Variants in CTDSP1 observed in about 807,000 individuals in gnomAD.
CTDSP1 encodes CTD small phosphatase 1.
In CTDSP1, 15 loss-of-function variants were observed where a neutral mutation model predicts 32.5. The observed-to-expected ratio is 0.46, with a 90% CI of 0.31 to 0.71. The LOEUF (loss-of-function observed/expected upper bound fraction) is 0.71, where lower values mean the gene tolerates loss of function less well. CTDSP1 is among the 30% of genes least tolerant of loss of function. The probability of loss-of-function intolerance (pLI) is 0.05; values close to 1 mark genes in which losing one functional copy is unlikely to be tolerated. For synonymous variants in CTDSP1, 185 were observed against 145.4 expected, an observed-to-expected ratio of 1.27 and a Z score of -1.96; for missense variants, 294 against 351.1, an observed-to-expected ratio of 0.84 and a Z score of 1.30.
At chr2:218,404,178 CTGTG>C (rs1697300577) in intron 6 of CTDSP1, 115 bp from the exon 7 acceptor site, 1 of 1,274,402 alleles carries the variant, frequency 7.8e-7, no homozygotes, top group Non-Finnish European at 1.1e-6. Context: ...AGTTTGAACA[CTGTG>C]GGTGAGGGGT....
upstream of CTDSP1, chr2:218,396,879 T>A (rs1281902374): frequency 6.6e-6 from 1 of 152,488 alleles, no homozygotes; most frequent in Non-Finnish European, 1.5e-5. Context: ...GAATTAAAGA[T>A]GTCAGTTCTC....
chr2:218,400,009 C>G lies in CTDSP1; in HGVS notation c.-82C>G. 1.5e-6 allele frequency: 2 copies of G among 1,314,810 alleles called. No homozygotes were observed. Among genetic ancestry groups the G allele is most frequent in the Non-Finnish European group, 1.9e-6 (2 of 1,026,536 alleles). The allele number at this position is 1,314,810 out of a possible 1,614,324, so 81.4% of individuals were successfully genotyped here. A position where few individuals can be genotyped will look rare whatever the true frequency, so the allele number is the denominator to read the frequency against. On this transcript the variant is annotated 5_prime_UTR_variant, in exon 1 of 7. Transcript: ENST00000273062. Reference sequence around the variant, plus strand: ...TCCCTCCCACCCCTCCCCTCCCCCCCGCGCCCCGATTCCGGCCCCAGCCGG... The same window carrying G: ...TCCCTCCCACCCCTCCCCTCCCCCCGGCGCCCCGATTCCGGCCCCAGCCGG...
rs1267453326 is a variant in CTDSP1 at position 218,403,267 on chromosome 2, G to C, written c.507G>C (p.Trp169Cys). The C allele has an allele frequency of 3.7e-6, 6 of 1,613,730 alleles. No homozygotes were observed. The highest frequency in any genetic ancestry group is 2.2e-5 in the East Asian group (1 of 44,886). ...CAGTAGCTGACCTGCTGGACAAATG[G>C]GGGGCCTTCCGGGCCCGGCTGTTTC... ...ADPVADLLDK[W>C]GAFRARLFRE... The change falls in exon 6 of 7, where the codon TGG (tryptophan) becomes TGC (cysteine). Residue 169 changes from tryptophan to cysteine, a missense_variant. Trp to Cys is a radical substitution (Grantham distance 215). Transcript: ENST00000273062.
In CTDSP1 at chr2:218,401,401, C is replaced by T. The variant is rs903888787; in HGVS notation, c.68-163C>T. 18 of 723,666 alleles carry T rather than the reference C, an allele frequency of 2.5e-5. No homozygotes were observed. In the African/African-American group the frequency reaches 2.5e-4, roughly 10 times the overall value. The allele number at this position is 723,666 out of a possible 1,614,324, so 44.8% of individuals were successfully genotyped here. A position where few individuals can be genotyped will look rare whatever the true frequency, so the allele number is the denominator to read the frequency against. Reference sequence around the variant, plus strand: ...GGAGCCTTGCAGTTGATTGTGGAGCCCTGACAGGGGCGTTTCAGAGAAAGT... The same window carrying T: ...GGAGCCTTGCAGTTGATTGTGGAGCTCTGACAGGGGCGTTTCAGAGAAAGT... On this transcript the variant is annotated intron_variant, in intron 1 of 6. Coordinates refer to ENST00000273062, the MANE Select transcript of CTDSP1 (RefSeq NM_021198.3).
chr2:218,404,245 T>G, intron 6 of CTDSP1, 52 bp from the exon 7 acceptor site: 13 of 1,596,116 alleles, frequency 8.1e-6, no homozygotes, highest in Non-Finnish European at 1.1e-5. Flanking sequence ...GCCTGGAAAT[T>G]CTGCACCCAG....
At chr2:218,404,221 G>A (rs1000027061) in intron 6 of CTDSP1, 76 bp from the exon 7 acceptor site, 1 of 1,555,600 alleles carries the variant, frequency 6.4e-7, no homozygotes, top group African/African-American at 1.4e-5. Flanking sequence ...CTGAGTAGTG[G>A]CTACATAGGG....
At position 218,402,094 on chromosome 2, in the gene CTDSP1, C is replaced by T; in HGVS notation, c.217-17C>T. On this transcript the variant is annotated splice_polypyrimidine_tract_variant and intron_variant, in intron 2 of 6. Coordinates refer to ENST00000273062, the MANE Select transcript of CTDSP1 (RefSeq NM_021198.3). ...GCCCGGAGAGAGGCACCCCAGCCAGCCCCGCCCTCCCTACAGCAGACCCCA... is the reference window on the plus strand; with the variant it reads ...GCCCGGAGAGAGGCACCCCAGCCAGTCCCGCCCTCCCTACAGCAGACCCCA... 3.8e-6 allele frequency: 6 copies of T among 1,576,574 alleles called. No individual in the cohort carries two copies. Among genetic ancestry groups the T allele is most frequent in the Non-Finnish European group, 5.2e-6 (6 of 1,148,916 alleles).
chr2:218,400,512 A>C, intron 1 of CTDSP1: 1 of 389,434 alleles, frequency 2.6e-6, no homozygotes, highest in Non-Finnish European at 5.0e-6. Flanking sequence ...GAGGGCGCCT[A>C]TGGGCCACCC....
intron 6 of CTDSP1, 117 bp downstream of exon 6, chr2:218,403,534 C>T: frequency 4.6e-6 from 4 of 877,794 alleles, no homozygotes; most frequent in Non-Finnish European, 6.8e-6. Context: ...CCTCCCAGTC[C>T]TTCCTGCATT....
rs565070665 is a variant in CTDSP1, at chr2:218,401,568, C to T, written c.72C>T (p.Asp24=). Residue 24 remains aspartate (D), a synonymous_variant, in exon 2 of 7, where the codon GAC becomes GAT. Coordinates refer to ENST00000273062, the MANE Select transcript of CTDSP1 (RefSeq NM_021198.3). The stretch of plus-strand genomic sequence containing the variant: ...ACTTGTGCCTCCCTACTTCAGGTGA[C>T]CAGAAGTCAGCAGCTTCCCAGAAGC... The part of the protein sequence containing the change: ...EARGPLRGKG[D]QKSAASQKPR... The T allele has an allele frequency of 8.1e-6, 13 of 1,613,904 alleles. No individual in the cohort carries two copies. Among genetic ancestry groups the T allele is most frequent in the Middle Eastern group, 1.7e-4 (1 of 6,056 alleles).
Position 218,404,582 on chromosome 2 carries a change from G to A in CTDSP1, c.*157G>A, listed in dbSNP as rs1697317502. 1.1e-6 allele frequency: 1 copy of A among 900,280 alleles called. No homozygotes were observed. The highest frequency in any genetic ancestry group is 1.7e-6 in the Non-Finnish European group (1 of 600,956). The allele number at this position is 900,280 out of a possible 1,614,324, so 55.8% of individuals were successfully genotyped here. A position where few individuals can be genotyped will look rare whatever the true frequency, so the allele number is the denominator to read the frequency against. Reference sequence around the variant, plus strand: ...TCCCCCACCAGCCCCACCAGGCGGTGTAGGGGCAGCAGGCTGCACTGAGGA... The same window carrying A: ...TCCCCCACCAGCCCCACCAGGCGGTATAGGGGCAGCAGGCTGCACTGAGGA... On this transcript the variant is annotated 3_prime_UTR_variant, in exon 7 of 7. Transcript: ENST00000273062.
upstream of CTDSP1, chr2:218,398,364 G>A (rs575536918): frequency 3.3e-4 from 501 of 1,510,220 alleles, 1 homozygote; most frequent in African/African-American, 5.2e-3. Flanking sequence ...AGCCAGAGCA[G>A]GCCTAGGAAA....
rs770402295 is a variant in CTDSP1, at chr2:218,402,151, A to G, written c.257A>G (p.Gln86Arg). Reference protein sequence around the residue: ...VQYLLPEAKAQDSDKICVVID... With the variant: ...VQYLLPEAKARDSDKICVVID... ...TACCTGCTCCCTGAGGCCAAGGCCCAGGACTCAGACAAGATCTGCGTGGTC... is the reference window on the plus strand; with the variant it reads ...TACCTGCTCCCTGAGGCCAAGGCCCGGGACTCAGACAAGATCTGCGTGGTC... The change falls in exon 3 of 7, where the codon CAG becomes CGG. Residue 86 changes from glutamine to arginine, a missense_variant. Physicochemically the swap from Gln to Arg is conservative, Grantham distance 43 (BLOSUM62 1). This residue lies in a region of CTDSP1 where 148 missense variants were observed against 113.3 expected (regional missense o/e 1.31). Transcript: ENST00000273062. 4 of 1,613,674 alleles carry G rather than the reference A, an allele frequency of 2.5e-6. No homozygotes were observed. The highest frequency in any genetic ancestry group is 3.4e-6 in the Non-Finnish European group (4 of 1,179,932).
intron 1 of CTDSP1, chr2:218,400,487 G>T (rs551758413): frequency 7.0e-5 from 30 of 431,000 alleles, no homozygotes; most frequent in Middle Eastern, 7.6e-4. Context: ...GGGGCTGGGA[G>T]ATGGGGGAGC....
intron 6 of CTDSP1, chr2:218,403,631 C>T (rs970954860): frequency 1.9e-5 from 9 of 483,734 alleles, no homozygotes; most frequent in Non-Finnish European, 2.9e-5. Context: ...AGAGCATCTG[C>T]CATGCACAGG....
At chr2:218,398,547 C>A, upstream of CTDSP1, 1 of 1,166,758 alleles carries the variant, frequency 8.6e-7, no homozygotes, top group Non-Finnish European at 1.1e-6. Context: ...GCCGCGCCTT[C>A]TGGCAGACGC....
At chr2:218,398,598 C>T, upstream of CTDSP1, 1 of 613,804 alleles carries the variant, frequency 1.6e-6, no homozygotes, top group Non-Finnish European at 2.5e-6. Flanking sequence ...CGCGGGGCCT[C>T]CCCTCCCCGG....
Position 218,399,980 on chromosome 2 carries a change from T to TTCCC in CTDSP1, c.-111_-110insTCCC. ...CCCTCCCCTCCGGAGCTCGCGGGGA[T>TTCCC]CCCTCCCTCCCACCCCTCCCCTCCC... On this transcript the variant is annotated 5_prime_UTR_variant, in exon 1 of 7. Transcript: ENST00000273062. 1 of 946,508 alleles carries TTCCC rather than the reference T, an allele frequency of 1.1e-6. No homozygotes were observed. The highest frequency in any genetic ancestry group is 1.3e-6 in the Non-Finnish European group (1 of 770,562). The allele number at this position is 946,508 out of a possible 1,614,324, so 58.6% of individuals were successfully genotyped here.
At position 218,405,487 on chromosome 2, in the gene CTDSP1, C is replaced by G. The variant is rs1270365821; in HGVS notation, c.*1062C>G. 3 of 152,780 alleles carry G rather than the reference C, an allele frequency of 2.0e-5. No individual in the cohort carries two copies. The East Asian group carries it at 5.6e-4, about 29-fold the overall frequency. The allele number at this position is 152,780 out of a possible 1,614,324, so 9.5% of individuals were successfully genotyped here. A position where few individuals can be genotyped will look rare whatever the true frequency, so the allele number is the denominator to read the frequency against. On this transcript the variant is annotated 3_prime_UTR_variant, in exon 7 of 7. Transcript: ENST00000273062. The stretch of plus-strand genomic sequence containing the variant: ...GTGGGGGGTCTCTACGCCAGCTCAT[C>G]AGTGCCTCCTTGCCCATCCTTCACC...
Sources: allele counts gnomAD v4.1 joint callset, GRCh38; gene constraint gnomAD v4.1.1; regional missense constraint gnomAD v4.1.1; transcripts MANE v1.5; gene names NCBI Gene and HGNC (gene_info 2026-07-23, HGNC 2026-07-21).